AKAP9: variants seen among roughly 807,000 people sequenced by gnomAD.
AKAP9 encodes the protein A-kinase anchor protein 9.
Under a neutral mutation model 488.5 loss-of-function variants are expected in AKAP9, and 311 were observed. The observed-to-expected ratio is 0.64, with a 90% CI of 0.58 to 0.70. The LOEUF is 0.70. Ranked by LOEUF, AKAP9 falls within the 30% of genes least tolerant of loss-of-function variation. The pLI, the probability that AKAP9 is intolerant of heterozygous loss-of-function variation, is 0.00. For missense variants in AKAP9, 4,215 were observed against 4,374.5 expected, an observed-to-expected ratio of 0.96 and a Z score of 1.03; for synonymous variants, 1,462 against 1,483.5, an observed-to-expected ratio of 0.99 and a Z score of 0.33.
At chr7:92,110,033 A>C (rs1819110594) in intron 49 of AKAP9, 89 bp from the exon 50 acceptor site, 1 of 990,440 alleles carries the variant, frequency 1.0e-6, no homozygotes, top group South Asian at 1.4e-5. Flanking sequence ...GGAGAATAAT[A>C]ATAATTTCCT....
At chr7:91,942,841 C>A (rs1304440519) in intron 1 of AKAP9, among the ~76,000 whole-genome samples, 1 of 152,012 alleles carries the variant, frequency 6.6e-6, no homozygotes, top group African/African-American at 2.4e-5. Context: ...AAAAGATTAT[C>A]TTCTTTTAGA....
chr7:92,070,195 A>T lies in AKAP9; in HGVS notation c.6496A>T (p.Thr2166Ser). ...LEQALLVSAD[T>S]FQKVEDRKHF... ...GCAGGCGCTTCTTGTGAGTGCAGATACTTTTCAAAAGGTGTGGCATTTTAT... is the reference window on the plus strand; with the variant it reads ...GCAGGCGCTTCTTGTGAGTGCAGATTCTTTTCAAAAGGTGTGGCATTTTAT... Residue 2166 changes from threonine to serine, a missense_variant, in exon 27 of 50, where the codon ACT becomes TCT. Coordinates refer to ENST00000356239, the MANE Select transcript of AKAP9 (RefSeq NM_005751.5). The T allele has an allele frequency of 6.2e-7, 1 of 1,614,054 alleles. No homozygotes were observed. Among genetic ancestry groups the T allele is most frequent in the South Asian group, 1.1e-5 (1 of 91,086 alleles).
intron 8 of AKAP9, among the ~76,000 whole-genome samples, chr7:92,009,663 G>T (rs897502734): frequency 6.6e-6 from 1 of 152,140 alleles, no homozygotes; most frequent in Non-Finnish European, 1.5e-5. Flanking sequence ...TATCTAATGA[G>T]ACTGGTACAA....
chr7:91,978,697 G>T lies in AKAP9; in HGVS notation c.307-1592G>T, dbSNP rs549703137. ...TAGTTATTACTTTTTTTAGCATCAT[G>T]ATGATATGATTTTTCTTTCAGAGAA... On this transcript the variant is annotated intron_variant, in intron 2 of 49. Transcript: ENST00000356239. Among the ~76,000 whole-genome samples, 14 of 151,986 alleles carry T rather than the reference G, an allele frequency of 9.2e-5. No homozygotes were observed. In the East Asian group the frequency reaches 2.7e-3, roughly 29 times the overall value.
At chr7:92,031,911 A>G (rs762901845) in intron 16 of AKAP9, among the ~76,000 whole-genome samples, 3 of 152,216 alleles carry the variant, frequency 2.0e-5, no homozygotes, top group Non-Finnish European at 4.4e-5. Flanking sequence ...AAGATAGGAA[A>G]AGAAAGAGAA....
At position 92,001,476 on chromosome 7, in the gene AKAP9, T is replaced by G. The variant is rs1799174968; in HGVS notation, c.1559T>G (p.Leu520Ter). 1 of 1,613,808 alleles carries G rather than the reference T, an allele frequency of 6.2e-7. No individual in the cohort carries two copies. Among genetic ancestry groups the G allele is most frequent in the Non-Finnish European group, 8.5e-7 (1 of 1,179,886 alleles). The change falls in exon 8 of 50, where the codon TTA becomes TGA. Residue 520 changes from leucine (L) to a stop codon, truncating the protein, a stop_gained. Coordinates refer to ENST00000356239, the MANE Select transcript of AKAP9 (RefSeq NM_005751.5). LOFTEE classifies it high-confidence loss of function. ...CTCAAGGAAGAACTAGGACTAATTT[T>G]AGAAGAAAAGTGTGCTCTACAGAGA... ...EKLKEELGLILEEKCALQRQL... is the reference protein window; with the variant it reads ...EKLKEELGLI
intron 16 of AKAP9, among the ~76,000 whole-genome samples, chr7:92,035,619 A>AT (rs1375349019): frequency 6.6e-6 from 1 of 151,964 alleles, no homozygotes; most frequent in African/African-American, 2.4e-5. Context: ...AAGAATGTGA[A>AT]TTTTTTAAAA....
chr7:91,970,148 T>C (rs1584631832), intron 1 of AKAP9, among the ~76,000 whole-genome samples: 1 of 152,094 alleles, frequency 6.6e-6, no homozygotes, highest in Non-Finnish European at 1.5e-5. Flanking sequence ...TTTAATGATA[T>C]GACAACTTAC....
At chr7:92,018,441 C>CACACACACAG (rs1554413469) in intron 12 of AKAP9, among the ~76,000 whole-genome samples, 29 of 60,514 alleles carry the variant, frequency 4.8e-4, no homozygotes, top group East Asian at 3.1e-4. Context: ...CACACACACA[C>CACACACACAG]AGAGAAATAT....
At chr7:92,013,153 G>A (rs1365710918) in intron 9 of AKAP9, among the ~76,000 whole-genome samples, 3 of 150,530 alleles carry the variant, frequency 2.0e-5, no homozygotes, top group East Asian at 1.9e-4. Context: ...CACTACGCCC[G>A]GCTAATTTTT....
intron 46 of AKAP9, among the ~76,000 whole-genome samples, chr7:92,104,776 T>C (rs1328041592): frequency 6.6e-6 from 1 of 152,180 alleles, no homozygotes; most frequent in African/African-American, 2.4e-5. Flanking sequence ...TTCATTTCCT[T>C]CATCACCTTG....
At chr7:92,019,381 C>A (rs1801996978) in intron 12 of AKAP9, among the ~76,000 whole-genome samples, 1 of 151,740 alleles carries the variant, frequency 6.6e-6, no homozygotes, top group Non-Finnish European at 1.5e-5. Context: ...ACCTTGTGAT[C>A]CGCCCACCTT....
intron 27 of AKAP9, 80 bp from the exon 28 acceptor site, chr7:92,070,825 A>AT: frequency 2.2e-6 from 2 of 898,496 alleles, no homozygotes; most frequent in Non-Finnish European, 1.7e-6. Context: ...AAAAAAAAAA[A>AT]GCAGACCAAA....
At chr7:92,074,132 G>A (rs1032575422) in intron 28 of AKAP9, among the ~76,000 whole-genome samples, 1 of 149,780 alleles carries the variant, frequency 6.7e-6, no homozygotes, top group Non-Finnish European at 1.5e-5. Flanking sequence ...CTGACAAAGG[G>A]CTAATATCCA....
Position 91,963,482 on chromosome 7 carries a change from TCACACACACACA to T in AKAP9, c.49-10194_49-10183del, listed in dbSNP as rs56800758. Among the ~76,000 whole-genome samples the T allele has an allele frequency of 2.3e-3, 322 of 139,316 alleles. 2 individuals carry two copies. Among genetic ancestry groups the T allele is most frequent in the African/African-American group, 7.2e-3 (276 of 38,358 alleles). The allele number at this position is 139,316 out of a possible 152,430, so 91.4% of individuals were successfully genotyped here. Reference sequence around the variant, plus strand: ...TGTTATTCTGTAGATAACATATTTGTCACACACACACACACACACACACACACACACACACAC... The same window carrying T: ...TGTTATTCTGTAGATAACATATTTGTCACACACACACACACACACACACAC... On this transcript the variant is annotated intron_variant, in intron 1 of 49. Transcript: ENST00000356239.
At chr7:92,070,569 G>A (rs942297230) in intron 27 of AKAP9, among the ~76,000 whole-genome samples, 4 of 151,916 alleles carry the variant, frequency 2.6e-5, no homozygotes, top group Admixed American at 6.6e-5. Flanking sequence ...CAAGTAGCTG[G>A]GATTATAGGC....
chr7:92,054,157 T>G (rs1490020163), intron 22 of AKAP9, among the ~76,000 whole-genome samples: 1 of 152,172 alleles, frequency 6.6e-6, no homozygotes, highest in Non-Finnish European at 1.5e-5. Flanking sequence ...TGGATAGATG[T>G]TTAAAGCCAT....
chr7:92,059,114 G>A (rs1257930984), intron 22 of AKAP9, among the ~76,000 whole-genome samples: 1 of 151,884 alleles, frequency 6.6e-6, no homozygotes, highest in African/African-American at 2.4e-5. Context: ...TAACAAGCCA[G>A]ATGGTTTTCA....
Position 92,038,428 on chromosome 7 carries a change from T to A in AKAP9, c.4348T>A (p.Ser1450Thr), listed in dbSNP as rs767289847. ...GCTTTTATTTCTTTAGGTTATTGTG[T>A]CAATGAGTATAGCATTTGCTCAACA... The part of the protein sequence containing the change: ...LEEEVAKVIV[S>T]MSIAFAQQTE... Residue 1450 changes from serine (S) to threonine (T), a missense_variant, in exon 17 of 50, where the codon TCA becomes ACA. Ser to Thr is a moderately conservative substitution (Grantham distance 58). Transcript: ENST00000356239. 2 of 1,611,274 alleles carry A rather than the reference T, an allele frequency of 1.2e-6. No individual in the cohort carries two copies. The highest frequency in any genetic ancestry group is 8.5e-7 in the Non-Finnish European group (1 of 1,177,540).
Sources: gnomAD v4.1 joint callset for allele counts (sites outside exome capture counted in the v4.1 genomes callset) on GRCh38, gnomAD v4.1.1 for gene constraint, MANE v1.5 for transcripts, NCBI Gene and HGNC (gene_info 2026-07-23, HGNC 2026-07-21) for gene names.